The following TMEM117 variants were observed in gnomAD, a reference collection of about 807,000 sequenced individuals.
TMEM117 encodes the protein transmembrane protein 117.
TMEM117 carries 27 observed loss-of-function variants against 52.4 expected under a neutral mutation model. The observed-to-expected ratio is 0.51, with a 90% confidence interval of 0.38 to 0.71. The LOEUF (loss-of-function observed/expected upper bound fraction) is 0.71, where lower values mean the gene tolerates loss of function less well. Ranked by LOEUF, TMEM117 falls within the 30% of genes least tolerant of loss-of-function variation. TMEM117 has a pLI of 0.00. For synonymous variants in TMEM117, 215 were observed against 206.3 expected (o/e 1.04, Z -0.36); for missense variants, 556 against 630.5 (o/e 0.88, Z 1.26).
At chr12:43,923,879 G>A (rs1944734748) in intron 2 of TMEM117, among the ~76,000 whole-genome samples, 1 of 152,086 alleles carries the variant, frequency 6.6e-6, no homozygotes, top group East Asian at 1.9e-4. Flanking sequence ...ATAGTCAGCA[G>A]TGTTTAATTC....
At chr12:43,817,814 A>T in the TMEM117 span, among the ~76,000 whole-genome samples, 2 of 152,304 alleles carry the variant, frequency 1.3e-5, no homozygotes, top group Non-Finnish European at 2.9e-5. Context: ...TACTCATATC[A>T]GCTACATTAA....
At chr12:43,994,021 A>G (rs983520099) in intron 3 of TMEM117, among the ~76,000 whole-genome samples, 11 of 152,110 alleles carry the variant, frequency 7.2e-5, no homozygotes, top group Admixed American at 5.2e-4. Context: ...TTCAAAGCTC[A>G]TGAGAATGTT....
the TMEM117 span, among the ~76,000 whole-genome samples, chr12:43,814,393 C>T: frequency 2.0e-5 from 3 of 152,148 alleles, no homozygotes; most frequent in Middle Eastern, 3.2e-3. Flanking sequence ...TACCATCCTT[C>T]TAACATCATA....
intron 6 of TMEM117, among the ~76,000 whole-genome samples, chr12:44,370,744 CT>C (rs1472066082): frequency 2.0e-5 from 3 of 152,082 alleles, no homozygotes; most frequent in African/African-American, 7.2e-5. Flanking sequence ...TCTCGAACTC[CT>C]GAACTCAAGT....
At chr12:43,975,719 A>G (rs1197339727) in intron 3 of TMEM117, among the ~76,000 whole-genome samples, 2 of 152,252 alleles carry the variant, frequency 1.3e-5, no homozygotes, top group Non-Finnish European at 2.9e-5. Flanking sequence ...TGTTTAAAAT[A>G]AACTTTTATT....
intron 3 of TMEM117, among the ~76,000 whole-genome samples, chr12:44,120,194 C>CA (rs903034564): frequency 1.7e-4 from 26 of 151,376 alleles, no homozygotes; most frequent in East Asian, 9.7e-4. Flanking sequence ...GCTAAGTTGA[C>CA]AAAAAAAATA....
At chr12:44,386,950 C>A (rs1952096552) in intron 7 of TMEM117, among the ~76,000 whole-genome samples, 1 of 151,774 alleles carries the variant, frequency 6.6e-6, no homozygotes, top group African/African-American at 2.4e-5. Context: ...GAAGCAGTAA[C>A]AATAACGTTA....
At chr12:43,988,027 C>G (rs1945876609) in intron 3 of TMEM117, among the ~76,000 whole-genome samples, 1 of 151,976 alleles carries the variant, frequency 6.6e-6, no homozygotes, top group African/African-American at 2.4e-5. Context: ...AATTTTGTAT[C>G]AACTAAAATA....
intron 2 of TMEM117, among the ~76,000 whole-genome samples, chr12:43,854,364 T>C (rs1218015652): frequency 2.0e-5 from 3 of 150,984 alleles, no homozygotes; most frequent in Non-Finnish European, 2.9e-5. Context: ...CCACAACTGA[T>C]AGGATATGAG....
intron 3 of TMEM117, among the ~76,000 whole-genome samples, chr12:44,133,997 A>G (rs895457522): frequency 6.6e-6 from 1 of 151,440 alleles, no homozygotes. Flanking sequence ...TGCAGCCTCC[A>G]CTCTCTCCAG....
the TMEM117 span, among the ~76,000 whole-genome samples, chr12:43,829,287 G>A: frequency 1.3e-5 from 2 of 152,234 alleles, no homozygotes; most frequent in African/African-American, 2.4e-5. Context: ...ATTTAGCCCC[G>A]ATCATCTGTA....
intron 3 of TMEM117, among the ~76,000 whole-genome samples, chr12:44,133,470 AT>A (rs1320235554): frequency 6.6e-6 from 1 of 152,082 alleles, no homozygotes; most frequent in African/African-American, 2.4e-5. Context: ...GATGGGTGGA[AT>A]TGTGGCTTTT....
the TMEM117 span, among the ~76,000 whole-genome samples, chr12:43,815,248 G>C: frequency 7.9e-5 from 12 of 152,212 alleles, no homozygotes; most frequent in African/African-American, 2.9e-4. Flanking sequence ...TTATATTATT[G>C]GTTATCTTTC....
intron 3 of TMEM117, among the ~76,000 whole-genome samples, chr12:44,052,475 C>T (rs1023369235): frequency 1.3e-4 from 20 of 152,114 alleles, no homozygotes; most frequent in Non-Finnish European, 1.5e-5. Context: ...CAGGGACACT[C>T]CAGGCAGTTG....
At chr12:43,805,427 C>T in the TMEM117 span, 6 of 385,646 alleles carry the variant, frequency 1.6e-5, no homozygotes, top group Middle Eastern at 7.3e-4. Context: ...GAGAAAGACT[C>T]GCTATTAACA....
intron 3 of TMEM117, among the ~76,000 whole-genome samples, chr12:44,049,552 A>G (rs1280914515): frequency 1.4e-5 from 2 of 147,106 alleles, no homozygotes; most frequent in Non-Finnish European, 1.5e-5. Context: ...AATAAAAAAC[A>G]TTAAAAAAAA....
intron 4 of TMEM117, among the ~76,000 whole-genome samples, chr12:44,204,614 CA>C (rs113719123): frequency 0.017 from 2,652 of 152,158 alleles, 58 homozygotes; most frequent in East Asian, 0.057. Flanking sequence ...CCTAAGCAAA[CA>C]GCACAAAATC....
chr12:44,033,517 G>A (rs190404461), intron 3 of TMEM117, among the ~76,000 whole-genome samples: 2 of 152,206 alleles, frequency 1.3e-5, no homozygotes, highest in African/African-American at 2.4e-5. Context: ...TCCATAATAT[G>A]TCCTTGATAG....
Position 44,057,608 on chromosome 12 carries a change from AT to A in TMEM117, c.411-85916del, listed in dbSNP as rs1231753507. Among the ~76,000 whole-genome samples, 3 of 151,926 alleles carry A rather than the reference AT, an allele frequency of 2.0e-5. No individual in the cohort carries two copies. In the East Asian group the frequency reaches 5.8e-4, roughly 29 times the overall value. On this transcript the variant is annotated intron_variant, in intron 3 of 7. Coordinates refer to ENST00000266534, the MANE Select transcript of TMEM117 (RefSeq NM_032256.3). ...TTTTTGAAAAAAAAATATAGGAAATATGTGGCCAGCTAATTGATAAGAAAAC... is the reference window on the plus strand; with the variant it reads ...TTTTTGAAAAAAAAATATAGGAAATAGTGGCCAGCTAATTGATAAGAAAAC...
Sources: allele counts gnomAD v4.1 joint callset (sites outside exome capture counted in the v4.1 genomes callset), GRCh38; gene constraint gnomAD v4.1.1; transcripts MANE v1.5; gene names NCBI Gene and HGNC (gene_info 2026-07-23, HGNC 2026-07-21).